Variants in AKAP7 observed in about 807,000 individuals in gnomAD.
The protein encoded by AKAP7 is A kinase (PRKA) anchor protein 7.
AKAP7 carries 39 observed loss-of-function variants against 39.5 expected under a neutral mutation model. That is an observed-to-expected ratio of 0.99 (90% confidence interval 0.76 to 1.29). The LOEUF (loss-of-function observed/expected upper bound fraction) is 1.29. Among genes scored for constraint, AKAP7 ranks in the 50% most tolerant of loss-of-function variants. AKAP7 has a pLI of 0.00. For missense variants in AKAP7, 414 were observed against 407.7 expected (o/e 1.02, Z -0.13); for synonymous variants, 140 against 139.1 (o/e 1.01, Z -0.05).
At chr6:131,184,955 C>T (rs1805681958) in intron 5 of AKAP7, 1 of 790,576 alleles carries the variant, frequency 1.3e-6, no homozygotes, top group Non-Finnish European at 2.3e-6. Flanking sequence ...ACCCCTTTCC[C>T]CGATGCTTGG....
intron 7 of AKAP7, among the ~76,000 whole-genome samples, chr6:131,220,370 G>A (rs932676785): frequency 6.6e-6 from 1 of 152,182 alleles, no homozygotes; most frequent in Non-Finnish European, 1.5e-5. Context: ...TTTCCAGGTG[G>A]AAAGTGTGTA....
intron 7 of AKAP7, among the ~76,000 whole-genome samples, chr6:131,235,835 A>G (rs926405146): frequency 1.3e-5 from 2 of 152,184 alleles, no homozygotes; most frequent in African/African-American, 4.8e-5. Context: ...GTAGATTGCA[A>G]AAATTTTCTC....
At chr6:131,260,679 G>A (rs1397149376) in intron 7 of AKAP7, among the ~76,000 whole-genome samples, 1 of 151,996 alleles carries the variant, frequency 6.6e-6, no homozygotes, top group African/African-American at 2.4e-5. Context: ...ATTTGTTTAA[G>A]TTCTTTGTAG....
chr6:131,159,927 T>C, intron 2 of AKAP7, 132 bp from the exon 3 acceptor site: 1 of 865,478 alleles, frequency 1.2e-6, no homozygotes. Context: ...CAGAAATGTT[T>C]GCAAACTCCT....
intron 6 of AKAP7, among the ~76,000 whole-genome samples, chr6:131,216,380 C>T (rs1809176968): frequency 6.6e-6 from 1 of 152,120 alleles, no homozygotes; most frequent in Admixed American, 6.5e-5. Context: ...TGGTGAGTGC[C>T]TCCTGAGTAA....
chr6:131,240,576 C>G (rs1250017291), intron 7 of AKAP7, among the ~76,000 whole-genome samples: 1 of 152,238 alleles, frequency 6.6e-6, no homozygotes, highest in Non-Finnish European at 1.5e-5. Flanking sequence ...TTCCTGGCCG[C>G]TTTGTTTACC....
chr6:131,247,451 G>T lies in AKAP7; in HGVS notation c.850+27643G>T, dbSNP rs1461978744. Reference sequence around the variant, plus strand: ...AGTGATTCTTCTGCCTCAGCCTCCCGAGTAGCTGGGACTACAGGCGTGCAC... The same window carrying T: ...AGTGATTCTTCTGCCTCAGCCTCCCTAGTAGCTGGGACTACAGGCGTGCAC... On this transcript the variant is annotated intron_variant, in intron 7 of 7. Coordinates refer to ENST00000431975, the MANE Select transcript of AKAP7 (RefSeq NM_016377.4). Among the ~76,000 whole-genome samples the T allele has an allele frequency of 1.4e-4, 21 of 148,802 alleles. No individual in the cohort carries two copies. The East Asian group carries it at 2.8e-3, about 20-fold the overall frequency.
chr6:131,269,868 A>T (rs1046166222), intron 7 of AKAP7, among the ~76,000 whole-genome samples: 1 of 152,206 alleles, frequency 6.6e-6, no homozygotes, highest in African/African-American at 2.4e-5. Context: ...GAAGGAAAGC[A>T]ACTGAGAATC....
intron 1 of AKAP7, among the ~76,000 whole-genome samples, chr6:131,143,681 T>G (rs1801231629): frequency 6.6e-6 from 1 of 152,130 alleles, no homozygotes; most frequent in African/African-American, 2.4e-5. Flanking sequence ...AAAATGTGTG[T>G]TTTTTGGCTT....
intron 7 of AKAP7, among the ~76,000 whole-genome samples, chr6:131,262,765 T>C (rs1813457908): frequency 1.3e-5 from 2 of 152,216 alleles, no homozygotes; most frequent in African/African-American, 4.8e-5. Flanking sequence ...TTAAAAATAA[T>C]TTCTTCTAAG....
intron 2 of AKAP7, among the ~76,000 whole-genome samples, chr6:131,157,519 G>A (rs568230624): frequency 1.1e-4 from 16 of 152,278 alleles, no homozygotes; most frequent in African/African-American, 3.8e-4. Context: ...TTTAAAATTA[G>A]TATATTCATA....
rs9388890 is a variant in AKAP7 at position 131,268,382 on chromosome 6, T to C, written c.851-13148T>C. ...TACCTGTAAGTGGGAAGAATGACACTTAATTTACCTCTTAAGGTTTCTGTG... is the reference window on the plus strand; with the variant it reads ...TACCTGTAAGTGGGAAGAATGACACCTAATTTACCTCTTAAGGTTTCTGTG... On this transcript the variant is annotated intron_variant, in intron 7 of 7. Coordinates refer to ENST00000431975, the MANE Select transcript of AKAP7 (RefSeq NM_016377.4). Among the ~76,000 whole-genome samples, 441 of 152,284 alleles carry C rather than the reference T, an allele frequency of 2.9e-3. 8 individuals are homozygous for C. In the East Asian group the frequency reaches 0.06, roughly 21 times the overall value.
chr6:131,222,828 G>A (rs1019509394), intron 7 of AKAP7, among the ~76,000 whole-genome samples: 1 of 152,166 alleles, frequency 6.6e-6, no homozygotes, highest in Non-Finnish European at 1.5e-5. Flanking sequence ...TGGGTAAAAT[G>A]TTATCAAACA....
intron 7 of AKAP7, among the ~76,000 whole-genome samples, chr6:131,234,526 C>T (rs746074886): frequency 7.9e-5 from 12 of 151,396 alleles, no homozygotes; most frequent in Middle Eastern, 3.5e-3. Flanking sequence ...GCAGCATAAG[C>T]GACCCAGTGA....
chr6:131,283,201 T>C lies in AKAP7; in HGVS notation c.*1475T>C, dbSNP rs1815334473. 6.6e-6 allele frequency: 1 copy of C among 152,670 alleles called. No individual in the cohort carries two copies. Among genetic ancestry groups the C allele is most frequent in the East Asian group, 1.9e-4 (1 of 5,208 alleles). 9.5% of individuals were successfully genotyped at this position (152,670 alleles called of 1,614,324 possible). A position where few individuals can be genotyped will look rare whatever the true frequency, so the allele number is the denominator to read the frequency against. On this transcript the variant is annotated 3_prime_UTR_variant, in exon 8 of 8. Coordinates refer to ENST00000431975, the MANE Select transcript of AKAP7 (RefSeq NM_016377.4). ...TTTCTTAAGGAATACATGTTTGGGA[T>C]TTTTATTTTTTACGTGTCCGAAGAT... is the stretch of plus-strand genomic sequence containing the variant.
chr6:131,190,606 T>C (rs1373119681), intron 5 of AKAP7, among the ~76,000 whole-genome samples: 4 of 151,228 alleles, frequency 2.6e-5, no homozygotes, highest in Non-Finnish European at 4.4e-5. Flanking sequence ...GATTGTACCA[T>C]TGCAATACAG....
chr6:131,267,895 T>C lies in AKAP7; in HGVS notation c.851-13635T>C, dbSNP rs386469019. Among the ~76,000 whole-genome samples, 448 of 152,316 alleles carry C rather than the reference T, an allele frequency of 2.9e-3. 2 individuals carry two copies. The highest frequency in any genetic ancestry group is 5.1e-3 in the Non-Finnish European group (345 of 68,040). ...GTTTCTACCTGTACTGAATTGCAGG[T>C]TTCCTAAGGCAGGGCCCATGTCAGA... On this transcript the variant is annotated intron_variant, in intron 7 of 7. Coordinates refer to ENST00000431975, the MANE Select transcript of AKAP7 (RefSeq NM_016377.4).
Position 131,275,802 on chromosome 6 carries a change from C to T in AKAP7, c.851-5728C>T, listed in dbSNP as rs1021946076. Among the ~76,000 whole-genome samples the T allele has an allele frequency of 7.9e-5, 12 of 152,112 alleles. No individual in the cohort carries two copies. In the South Asian group the frequency reaches 2.3e-3, roughly 29 times the overall value. ...CTTCAGACAGCATCTTGGGGAACGG[C>T]GGAAAGAAATGAAGATTCCAAATGC... On this transcript the variant is annotated intron_variant, in intron 7 of 7. Coordinates refer to ENST00000431975, the MANE Select transcript of AKAP7 (RefSeq NM_016377.4).
chr6:131,221,797 T>C (rs1809719662), intron 7 of AKAP7, among the ~76,000 whole-genome samples: 1 of 152,198 alleles, frequency 6.6e-6, no homozygotes, highest in Non-Finnish European at 1.5e-5. Context: ...GTATTTTAAC[T>C]ACTGCTCAGA....
Sources: allele counts gnomAD v4.1 joint callset (sites outside exome capture counted in the v4.1 genomes callset), GRCh38; gene constraint gnomAD v4.1.1; transcripts MANE v1.5; gene names NCBI Gene and HGNC (gene_info 2026-07-23, HGNC 2026-07-21).